Variants in DLGAP1 observed in about 807,000 individuals in gnomAD.
DLGAP1 encodes the protein DLG associated protein 1.
A neutral mutation model predicts 90.8 loss-of-function variants in DLGAP1; 11 were observed. The observed-to-expected ratio is 0.12, with a 90% CI of 0.08 to 0.20. DLGAP1 has a LOEUF of 0.20. DLGAP1 is among the 10% of genes least tolerant of loss of function. The pLI is 1.00. For missense variants in DLGAP1, 1,050 were observed against 1,333.8 expected, an observed-to-expected ratio of 0.79 and a Z score of 3.31; for synonymous variants, 558 against 540.7, an observed-to-expected ratio of 1.03 and a Z score of -0.44.
rs1263528853 is a variant in DLGAP1, at chr18:4,378,735, A to T, written c.-267+76271T>A. 6.6e-6 allele frequency among the ~76,000 whole-genome samples: 1 copy of T among 152,060 alleles called. No homozygotes were observed. Among genetic ancestry groups the T allele is most frequent in the Non-Finnish European group, 1.5e-5 (1 of 67,976 alleles). ...TTACTACTTAATCTGAACCCATTTT[A>T]TCTGTTTTTATTTCCAACTCTTTCC... On this transcript the variant is annotated intron_variant, in intron 1 of 12. Transcript: ENST00000315677. This position sits in a 1 kb window ranked among gnomAD's most constrained non-coding sequence, Gnocchi z 4.5.
At chr18:4,411,243 A>C (rs2082770660) in intron 1 of DLGAP1, among the ~76,000 whole-genome samples, 1 of 152,214 alleles carries the variant, frequency 6.6e-6, no homozygotes, top group African/African-American at 2.4e-5. Flanking sequence ...TACAAGGAAT[A>C]GTCCAAACAT....
At chr18:4,085,892 A>G (rs1398979261) in intron 2 of DLGAP1, among the ~76,000 whole-genome samples, 1 of 152,046 alleles carries the variant, frequency 6.6e-6, no homozygotes, top group Admixed American at 6.6e-5. Context: ...TGATTTTTCA[A>G]TTATCTCTAT....
At chr18:3,592,683 AAAC>A (rs1028006222) in intron 7 of DLGAP1, among the ~76,000 whole-genome samples, 5 of 151,548 alleles carry the variant, frequency 3.3e-5, no homozygotes, top group African/African-American at 7.3e-5. Context: ...AAAAAAACCC[AAAC>A]AACAACAACT....
chr18:4,050,364 A>T (rs971544565), intron 2 of DLGAP1, among the ~76,000 whole-genome samples: 2 of 152,218 alleles, frequency 1.3e-5, no homozygotes, highest in African/African-American at 4.8e-5. Flanking sequence ...GTTTTGAAAT[A>T]TGCAAATACT....
chr18:3,602,017 GAATA>G (rs942700151), intron 7 of DLGAP1, among the ~76,000 whole-genome samples: 2 of 151,506 alleles, frequency 1.3e-5, no homozygotes, highest in Non-Finnish European at 2.9e-5. Context: ...TCAAATGAAT[GAATA>G]AATAAATAAA....
At chr18:4,105,769 G>A (rs1450724565) in intron 2 of DLGAP1, among the ~76,000 whole-genome samples, 3 of 152,018 alleles carry the variant, frequency 2.0e-5, no homozygotes, top group Admixed American at 2.0e-4. Flanking sequence ...GGTGGCTCAC[G>A]CCTGTAATCC....
intron 4 of DLGAP1, among the ~76,000 whole-genome samples, chr18:3,853,022 G>A: frequency 6.6e-6 from 1 of 151,838 alleles, no homozygotes; most frequent in East Asian, 1.9e-4. Context: ...TTTATTTTTT[G>A]TTGTTGTTGT....
At chr18:3,646,873 C>A (rs909045953) in intron 7 of DLGAP1, among the ~76,000 whole-genome samples, 53 of 151,766 alleles carry the variant, frequency 3.5e-4, no homozygotes, top group Non-Finnish European at 5.7e-4. Flanking sequence ...TGCAGTGAGC[C>A]AAGATCGAAC....
intron 4 of DLGAP1, among the ~76,000 whole-genome samples, chr18:3,862,448 A>G (rs2070126455): frequency 6.6e-6 from 1 of 152,262 alleles, no homozygotes; most frequent in Non-Finnish European, 1.5e-5. Context: ...AGCTTCAGCA[A>G]CTACCGCCCA....
chr18:4,060,984 C>A (rs2075290354), intron 2 of DLGAP1, among the ~76,000 whole-genome samples: 1 of 152,174 alleles, frequency 6.6e-6, no homozygotes, highest in South Asian at 2.1e-4. Context: ...CTTAACTGTA[C>A]AACTTGCCTT....
chr18:3,748,166 AT>A (rs2147775745), intron 5 of DLGAP1, among the ~76,000 whole-genome samples: 1 of 152,174 alleles, frequency 6.6e-6, no homozygotes, highest in Admixed American at 6.5e-5. Flanking sequence ...CTAAAGGGAG[AT>A]TTTGATTTTT....
chr18:4,274,617 A>G (rs1397905750), intron 1 of DLGAP1, among the ~76,000 whole-genome samples: 1 of 152,234 alleles, frequency 6.6e-6, no homozygotes, highest in Non-Finnish European at 1.5e-5. Flanking sequence ...ATACAGGTAG[A>G]TAGGCACTAC....
intron 5 of DLGAP1, among the ~76,000 whole-genome samples, chr18:3,747,465 A>G (rs1264966285): frequency 6.6e-6 from 1 of 152,234 alleles, no homozygotes; most frequent in Non-Finnish European, 1.5e-5. Context: ...ACTTCTCTTT[A>G]GAACTTGCGC....
chr18:4,371,207 A>T (rs2081909079), intron 1 of DLGAP1, among the ~76,000 whole-genome samples: 1 of 152,232 alleles, frequency 6.6e-6, no homozygotes, highest in Admixed American at 6.5e-5. Flanking sequence ...TTTATAGTCT[A>T]GCCAACAAAA....
Position 3,787,209 on chromosome 18 carries a change from C to T in DLGAP1, c.1172+26850G>A, listed in dbSNP as rs142152989. Among the ~76,000 whole-genome samples the T allele has an allele frequency of 2.0e-3, 305 of 152,168 alleles. 2 individuals carry two copies. Among genetic ancestry groups the T allele is most frequent in the African/African-American group, 7.1e-3 (293 of 41,514 alleles). On this transcript the variant is annotated intron_variant, in intron 5 of 12. Transcript: ENST00000315677. ...ATTAAAGTAAATGAGAGGGGCCAGG[C>T]GTGGTGGCTTACACCTGTAATCCCA...
intron 11 of DLGAP1, among the ~76,000 whole-genome samples, chr18:3,504,682 C>A (rs1311813457): frequency 6.6e-6 from 1 of 152,194 alleles, no homozygotes; most frequent in African/African-American, 2.4e-5. Context: ...TTCGCCCCGC[C>A]AGTGTTTTCT....
chr18:4,068,994 T>C (rs2075408587), intron 2 of DLGAP1, among the ~76,000 whole-genome samples: 2 of 152,168 alleles, frequency 1.3e-5, no homozygotes, highest in Admixed American at 6.5e-5. Flanking sequence ...AGTATTTTGC[T>C]ACATGGCCTT....
At chr18:4,388,745 T>C (rs2082284546) in intron 1 of DLGAP1, among the ~76,000 whole-genome samples, 2 of 152,192 alleles carry the variant, frequency 1.3e-5, no homozygotes, top group African/African-American at 2.4e-5. Flanking sequence ...CTGTAAAGTA[T>C]CTGATATAAT....
At chr18:4,322,862 G>A (rs915030807) in intron 1 of DLGAP1, among the ~76,000 whole-genome samples, 4 of 145,888 alleles carry the variant, frequency 2.7e-5, no homozygotes, top group African/African-American at 7.5e-5. Flanking sequence ...TCAGGAGGCT[G>A]AGACAGGAGA....
Sources: allele counts gnomAD v4.1 joint callset (sites outside exome capture counted in the v4.1 genomes callset), GRCh38; gene constraint gnomAD v4.1.1; non-coding constraint Gnocchi (gnomAD v3.1); transcripts MANE v1.5; gene names NCBI Gene and HGNC (gene_info 2026-07-23, HGNC 2026-07-21).